Variants in B3GAT2 observed in about 807,000 individuals in gnomAD.
B3GAT2 encodes beta-1,3-glucuronyltransferase 2.
A neutral mutation model predicts 27.8 loss-of-function variants in B3GAT2; 26 were observed. That is an observed-to-expected ratio of 0.93 (90% confidence interval 0.68 to 1.30). The LOEUF is 1.30. Ranked by LOEUF, B3GAT2 falls within the 50% of genes most tolerant of loss-of-function variation. The pLI is 0.00. For synonymous variants in B3GAT2, 218 were observed against 195.1 expected, an observed-to-expected ratio of 1.12 and a Z score of -0.98; for missense variants, 458 against 459.0, an observed-to-expected ratio of 1.00 and a Z score of 0.02.
At chr6:70,904,929 A>T (rs1257709398) in intron 1 of B3GAT2, among the ~76,000 whole-genome samples, 1 of 149,644 alleles carries the variant, frequency 6.7e-6, no homozygotes, top group Non-Finnish European at 1.5e-5. Flanking sequence ...GCATCACCAT[A>T]AAAAAAAATG....
intron 1 of B3GAT2, among the ~76,000 whole-genome samples, chr6:70,929,095 CA>C (rs1160739192): frequency 6.6e-6 from 1 of 151,678 alleles, no homozygotes; most frequent in Non-Finnish European, 1.5e-5. Context: ...TCATTCTCAG[CA>C]AACTATCGCA....
chr6:70,920,610 G>A (rs1772852424), intron 1 of B3GAT2, among the ~76,000 whole-genome samples: 1 of 152,198 alleles, frequency 6.6e-6, no homozygotes. Flanking sequence ...TACTTTTTAA[G>A]TCAGGCATTT....
chr6:70,883,894 T>C (rs1436121873), intron 2 of B3GAT2, among the ~76,000 whole-genome samples: 3 of 152,004 alleles, frequency 2.0e-5, no homozygotes, highest in Admixed American at 1.3e-4. Context: ...AGACGTATTT[T>C]CTATGGAAGT....
At chr6:70,915,123 T>C (rs752933370) in intron 1 of B3GAT2, among the ~76,000 whole-genome samples, 5 of 152,226 alleles carry the variant, frequency 3.3e-5, no homozygotes, top group Non-Finnish European at 7.3e-5. Flanking sequence ...TGGTATCTCA[T>C]TGTGGTTTTG....
chr6:70,879,523 T>C (rs1772066499), intron 2 of B3GAT2, among the ~76,000 whole-genome samples: 1 of 148,570 alleles, frequency 6.7e-6, no homozygotes, highest in Non-Finnish European at 1.5e-5. Flanking sequence ...AAAACATACA[T>C]ACCAGGCAAA....
intron 1 of B3GAT2, among the ~76,000 whole-genome samples, chr6:70,916,500 G>C (rs9455245): frequency 0.05 from 7,607 of 152,248 alleles, 202 homozygotes; most frequent in African/African-American, 0.067. Flanking sequence ...AATGCTTCCA[G>C]TTTTTGCCCA....
chr6:70,859,542 G>C lies in B3GAT2; in HGVS notation c.*2121C>G, dbSNP rs1338317869. 3.3e-6 allele frequency: 2 copies of C among 602,720 alleles called. No individual in the cohort carries two copies. Among genetic ancestry groups the C allele is most frequent in the Admixed American group, 7.2e-5 (2 of 27,620 alleles). The allele number at this position is 602,720 out of a possible 1,614,324, so 37.3% of individuals were successfully genotyped here. A position where few individuals can be genotyped will look rare whatever the true frequency, so the allele number is the denominator to read the frequency against. On this transcript the variant is annotated 3_prime_UTR_variant, in exon 4 of 4. Transcript: ENST00000230053. Reference sequence around the variant, plus strand: ...TAAATTAAGAACACAGTCTAACTCTGAGTGTAAGTTTTAAACCCACTCACT... The same window carrying C: ...TAAATTAAGAACACAGTCTAACTCTCAGTGTAAGTTTTAAACCCACTCACT...
At chr6:70,879,997 G>C (rs1772075125) in intron 2 of B3GAT2, among the ~76,000 whole-genome samples, 1 of 151,436 alleles carries the variant, frequency 6.6e-6, no homozygotes, top group South Asian at 2.1e-4. Flanking sequence ...TAACGGGTCA[G>C]GGAGCATATT....
intron 1 of B3GAT2, among the ~76,000 whole-genome samples, chr6:70,907,419 G>C (rs1002102998): frequency 3.3e-5 from 5 of 152,214 alleles, no homozygotes; most frequent in African/African-American, 1.2e-4. Flanking sequence ...GCAGGGTGGA[G>C]AGCATTGGAA....
chr6:70,909,140 A>T (rs576042881), intron 1 of B3GAT2, among the ~76,000 whole-genome samples: 58 of 152,074 alleles, frequency 3.8e-4, no homozygotes, highest in African/African-American at 1.3e-3. Flanking sequence ...ACATTCACAC[A>T]CTCTCTCTCT....
At chr6:70,946,038 C>T (rs988017025) in intron 1 of B3GAT2, among the ~76,000 whole-genome samples, 53 of 152,080 alleles carry the variant, frequency 3.5e-4, no homozygotes, top group African/African-American at 1.3e-3. Flanking sequence ...ATTTTGCCAC[C>T]ACCAGGCCTG....
intron 2 of B3GAT2, among the ~76,000 whole-genome samples, chr6:70,873,091 C>CTTTA (rs1479479302): frequency 6.6e-5 from 10 of 152,000 alleles, no homozygotes; most frequent in African/African-American, 2.4e-4. Flanking sequence ...GAGAAAAGAG[C>CTTTA]TATAAAGATT....
chr6:70,864,061 CTTT>C (rs35544177), intron 2 of B3GAT2, among the ~76,000 whole-genome samples: 3,380 of 129,750 alleles, frequency 0.026, 74 homozygotes, highest in South Asian at 0.13. Context: ...AAGCTTTATC[CTTT>C]TTTTTTTTTT....
intron 2 of B3GAT2, among the ~76,000 whole-genome samples, chr6:70,889,564 C>T (rs112913305): frequency 7.8e-4 from 119 of 152,222 alleles, no homozygotes; most frequent in African/African-American, 2.7e-3. Context: ...CCAGGTGCAC[C>T]GCCTTACACA....
Position 70,860,294 on chromosome 6 carries a change from G to C in B3GAT2, c.*1369C>G. On this transcript the variant is annotated 3_prime_UTR_variant, in exon 4 of 4. Transcript: ENST00000230053. Reference sequence around the variant, plus strand: ...AGCACAACAGCAGGATGGTCTGGAAGCTCATCAGGTCAGACTCTCAGCACA... The same window carrying C: ...AGCACAACAGCAGGATGGTCTGGAACCTCATCAGGTCAGACTCTCAGCACA... 6.2e-7 allele frequency: 1 copy of C among 1,613,674 alleles called. No individual in the cohort carries two copies. The highest frequency in any genetic ancestry group is 8.5e-7 in the Non-Finnish European group (1 of 1,179,808).
chr6:70,934,976 A>G (rs981345806), intron 1 of B3GAT2, among the ~76,000 whole-genome samples: 7 of 152,202 alleles, frequency 4.6e-5, no homozygotes, highest in Non-Finnish European at 7.3e-5. Context: ...TCAGTCCTGA[A>G]GCTTTTCTAA....
intron 2 of B3GAT2, among the ~76,000 whole-genome samples, chr6:70,877,649 A>G (rs1389181433): frequency 6.6e-6 from 1 of 152,200 alleles, no homozygotes; most frequent in Non-Finnish European, 1.5e-5. Flanking sequence ...AGATATGTTC[A>G]GGCCAAGACT....
At chr6:70,870,017 T>C (rs1562214007) in intron 2 of B3GAT2, among the ~76,000 whole-genome samples, 1 of 152,086 alleles carries the variant, frequency 6.6e-6, no homozygotes, top group Non-Finnish European at 1.5e-5. Flanking sequence ...GAAATACCAT[T>C]TGACCCAGCC....
intron 1 of B3GAT2, among the ~76,000 whole-genome samples, chr6:70,939,482 G>A (rs957983849): frequency 9.3e-5 from 14 of 150,852 alleles, no homozygotes; most frequent in Admixed American, 2.6e-4. Context: ...CAATAGCAAA[G>A]ACTTGGAACC....
Sources: allele counts gnomAD v4.1 joint callset (sites outside exome capture counted in the v4.1 genomes callset), GRCh38; gene constraint gnomAD v4.1.1; transcripts MANE v1.5; gene names NCBI Gene and HGNC (gene_info 2026-07-23, HGNC 2026-07-21).